The following NEK1 variants were observed in gnomAD, a reference collection of about 807,000 sequenced individuals.
The protein encoded by NEK1 is NIMA related kinase 1.
In NEK1, 137 loss-of-function variants were observed where a neutral mutation model predicts 182.1. That is an observed-to-expected ratio of 0.75 (90% confidence interval 0.65 to 0.87). The LOEUF (loss-of-function observed/expected upper bound fraction) is 0.87. Ranked by LOEUF, NEK1 falls within the 40% of genes least tolerant of loss-of-function variation. The probability of loss-of-function intolerance (pLI) is 0.00; values close to 1 mark genes in which losing one functional copy is unlikely to be tolerated. For synonymous variants in NEK1, 513 were observed against 492.2 expected, an observed-to-expected ratio of 1.04 and a Z score of -0.56; for missense variants, 1,391 against 1,494.4, an observed-to-expected ratio of 0.93 and a Z score of 1.14.
chr4:169,487,138 A>G (rs944594604), intron 23 of NEK1, among the ~76,000 whole-genome samples: 1 of 152,214 alleles, frequency 6.6e-6, no homozygotes, highest in African/African-American at 2.4e-5. Context: ...AAAGAATCAC[A>G]ATAGTTAAGG....
chr4:169,537,870 T>C lies in NEK1; in HGVS notation c.1604A>G (p.Glu535Gly). 3 of 1,611,194 alleles carry C rather than the reference T, an allele frequency of 1.9e-6. No homozygotes were observed. Among genetic ancestry groups the C allele is most frequent in the Non-Finnish European group, 2.5e-6 (3 of 1,178,404 alleles). Residue 535 changes from glutamate (E) to glycine (G), a missense_variant, in exon 19 of 36, where the codon GAA (glutamate) becomes GGA (glycine). Glu to Gly is a moderately conservative substitution (Grantham distance 98). Around this residue, in one of 5 missense-constraint regions of NEK1, gnomAD observed 1,216 missense variants for 1,277.6 expected, o/e 0.95. Transcript: ENST00000507142. ...QLAVERAKQV[E>G]EFLQRKREAM... Reference sequence around the variant, plus strand: ...TTCCCGTTTTCGCTGCAGGAACTCTTCTACTTGTTTAGCTCTTTCTACAGC... The same window carrying C: ...TTCCCGTTTTCGCTGCAGGAACTCTCCTACTTGTTTAGCTCTTTCTACAGC...
At chr4:169,547,725 C>CA (rs1281724381) in intron 18 of NEK1, among the ~76,000 whole-genome samples, 1 of 152,124 alleles carries the variant, frequency 6.6e-6, no homozygotes, top group East Asian at 1.9e-4. Flanking sequence ...TTGAGTTGAT[C>CA]TTCAATCTCT....
intron 12 of NEK1, among the ~76,000 whole-genome samples, chr4:169,569,526 C>G (rs1324068599): frequency 1.4e-5 from 2 of 144,424 alleles, no homozygotes; most frequent in South Asian, 4.7e-4. Flanking sequence ...TTTCCACAGT[C>G]TCCCTCTGAT....
chr4:169,422,646 C>T (rs930215318), intron 31 of NEK1, among the ~76,000 whole-genome samples: 14 of 152,210 alleles, frequency 9.2e-5, no homozygotes, highest in Non-Finnish European at 2.9e-5. Flanking sequence ...TAAATGGCTA[C>T]AGACTGCTTT....
intron 6 of NEK1, 42 bp downstream of exon 6, chr4:169,590,684 G>GTC (rs1444593747): frequency 7.0e-6 from 10 of 1,421,730 alleles, no homozygotes; most frequent in African/African-American, 1.4e-5. Context: ...AAGGTTCCAT[G>GTC]TCTTTATCCA....
chr4:169,411,286 A>T (rs114267659), intron 31 of NEK1, among the ~76,000 whole-genome samples: 9,149 of 138,300 alleles, frequency 0.066, 943 homozygotes, highest in African/African-American at 0.22. Flanking sequence ...ATCTGACTCT[A>T]TTTTTTTTTT....
intron 32 of NEK1, among the ~76,000 whole-genome samples, chr4:169,404,813 G>C (rs1732300138): frequency 6.6e-6 from 1 of 151,670 alleles, no homozygotes; most frequent in African/African-American, 2.4e-5. Context: ...TAAGTTTTAG[G>C]GTACATGTGC....
intron 2 of NEK1, among the ~76,000 whole-genome samples, chr4:169,608,304 T>C (rs1166977576): frequency 6.6e-5 from 10 of 152,142 alleles, no homozygotes; most frequent in Non-Finnish European, 1.3e-4. Context: ...TTAATAATCA[T>C]AGTGACATTT....
In NEK1 at chr4:169,410,355, A is replaced by G. The variant is rs1561138606; in HGVS notation, c.3223-3608T>C. On this transcript the variant is annotated intron_variant, in intron 31 of 35. Transcript: ENST00000507142. ...TTTTTTCAAAGATGTAGAGAAACAT[A>G]TAACATAGTGAATGAATTCAGTATT... Among the ~76,000 whole-genome samples the G allele has an allele frequency of 3.9e-5, 6 of 152,182 alleles. No homozygotes were observed. The South Asian group carries it at 1.0e-3, about 26-fold the overall frequency.
At chr4:169,440,284 C>T (rs1032291152) in intron 27 of NEK1, among the ~76,000 whole-genome samples, 24 of 151,892 alleles carry the variant, frequency 1.6e-4, no homozygotes, top group Non-Finnish European at 1.2e-4. Context: ...AATTCACTCA[C>T]AATCAGAAAA....
chr4:169,562,120 G>T lies in NEK1; in HGVS notation c.1080+17C>A. On this transcript the variant is annotated intron_variant, in intron 13 of 35. Transcript: ENST00000507142. ...TGTTTGCAAAGCTTTAAAATAACCA[G>T]ACAGATGTCTTTATACCTCAGATAT... 6.7e-7 allele frequency: 1 copy of T among 1,493,966 alleles called. No homozygotes were observed. Among genetic ancestry groups the T allele is most frequent in the South Asian group, 1.3e-5 (1 of 78,472 alleles). 92.5% of individuals were successfully genotyped at this position (1,493,966 alleles called of 1,614,324 possible).
chr4:169,590,495 G>T (rs923567703), intron 6 of NEK1, among the ~76,000 whole-genome samples: 3 of 152,028 alleles, frequency 2.0e-5, no homozygotes, highest in African/African-American at 4.8e-5. Context: ...GTTCTTTTTG[G>T]AGTTATAAAA....
chr4:169,562,297 A>G, intron 12 of NEK1, 101 bp from the exon 13 acceptor site: 1 of 740,278 alleles, frequency 1.4e-6, no homozygotes, highest in Non-Finnish European at 2.2e-6. Flanking sequence ...GGTAAAGTCA[A>G]TACTTCCATA....
At position 169,406,681 on chromosome 4, in the gene NEK1, C is replaced by T. The variant is rs374890006; in HGVS notation, c.3289G>A (p.Val1097Ile). ...AGATTGTCTTGACGAACATCTCCTA[C>T]GGTGGGAACATCCATAAGGGTTCTG... ...LFRTLMDVPT[V>I]GDVRQDNLEI... is the part of the protein sequence containing the mutation. Residue 1097 changes from valine to isoleucine, a missense_variant, in exon 32 of 36, where the codon GTA becomes ATA. Transcript: ENST00000507142. 51 of 1,608,970 alleles carry T rather than the reference C, an allele frequency of 3.2e-5. No homozygotes were observed. The highest frequency in any genetic ancestry group is 2.7e-4 in the East Asian group (12 of 44,670).
At chr4:169,562,965 T>C (rs976404740) in intron 12 of NEK1, among the ~76,000 whole-genome samples, 2 of 152,234 alleles carry the variant, frequency 1.3e-5, no homozygotes, top group African/African-American at 2.4e-5. Flanking sequence ...TTATTATTTA[T>C]ATCTGCATCT....
At chr4:169,470,519 T>C (rs1745760561) in intron 26 of NEK1, among the ~76,000 whole-genome samples, 1 of 152,150 alleles carries the variant, frequency 6.6e-6, no homozygotes, top group Non-Finnish European at 1.5e-5. Context: ...CCTTTGGGGG[T>C]AATCCAACCT....
intron 27 of NEK1, among the ~76,000 whole-genome samples, chr4:169,456,276 A>T (rs905382429): frequency 6.6e-6 from 1 of 152,216 alleles, no homozygotes; most frequent in African/African-American, 2.4e-5. Flanking sequence ...AAAAACTTCA[A>T]GTAGACAATC....
chr4:169,525,525 C>G (rs1479896069), intron 19 of NEK1, among the ~76,000 whole-genome samples: 1 of 151,906 alleles, frequency 6.6e-6, no homozygotes, highest in Non-Finnish European at 1.5e-5. Flanking sequence ...AACTAATTTA[C>G]TATACAGGAT....
chr4:169,496,226 C>A (rs537601767), intron 23 of NEK1, among the ~76,000 whole-genome samples: 10 of 152,112 alleles, frequency 6.6e-5, no homozygotes, highest in East Asian at 5.8e-4. Context: ...GTGTATAAGA[C>A]TGCTTGTGAT....
Sources: gnomAD v4.1 joint callset for allele counts (sites outside exome capture counted in the v4.1 genomes callset) on GRCh38, gnomAD v4.1.1 for gene constraint, gnomAD v4.1.1 regional missense constraint, MANE v1.5 for transcripts, NCBI Gene and HGNC (gene_info 2026-07-23, HGNC 2026-07-21) for gene names.